STX12: variants seen among roughly 807,000 people sequenced by gnomAD.
The protein encoded by STX12 is syntaxin-12.
In STX12, 17 loss-of-function variants were observed where a neutral mutation model predicts 42.2. That is an observed-to-expected ratio of 0.40 (90% CI 0.28 to 0.60). The LOEUF is 0.60. Among genes scored for constraint, STX12 ranks in the 20% least tolerant of loss-of-function variants. The pLI is 0.39. For missense variants in STX12, 297 were observed against 330.9 expected, an observed-to-expected ratio of 0.90 and a Z score of 0.79; for synonymous variants, 108 against 116.7, an observed-to-expected ratio of 0.93 and a Z score of 0.48.
intron 3 of STX12, among the ~76,000 whole-genome samples, 186 bp downstream of exon 3, chr1:27,793,818 C>T (rs1309295830): frequency 3.3e-5 from 5 of 152,016 alleles, no homozygotes; most frequent in African/African-American, 1.2e-4. Context: ...AATGTACACA[C>T]CAGATGTGGC....
At chr1:27,822,203 T>C in intron 8 of STX12, 28 bp from the exon 9 acceptor site, 1 of 1,367,630 alleles carries the variant, frequency 7.3e-7, no homozygotes, top group Non-Finnish European at 1.0e-6. Context: ...GTTTCATGAG[T>C]ATCTTGTTTA....
rs984373546 is a variant in STX12, at chr1:27,786,503, G to A, written c.119-3059G>A. On this transcript the variant is annotated intron_variant, in intron 1 of 8. Coordinates refer to ENST00000373943, the MANE Select transcript of STX12 (RefSeq NM_177424.3). ...GTATAACTAGTATCCTCTGCCCACC[G>A]CTGTCACCTCAGCTTTTACCTGAAT... Among the ~76,000 whole-genome samples, 4 of 151,918 alleles carry A rather than the reference G, an allele frequency of 2.6e-5. No homozygotes were observed. The East Asian group carries it at 5.8e-4, about 22-fold the overall frequency.
At chr1:27,804,770 C>A (rs975943091) in intron 4 of STX12, among the ~76,000 whole-genome samples, 2 of 151,088 alleles carry the variant, frequency 1.3e-5, no homozygotes. Context: ...GAGACCGCAC[C>A]GCTGCACTCC....
chr1:27,821,885 G>A (rs1313909161), intron 8 of STX12, among the ~76,000 whole-genome samples: 1 of 152,160 alleles, frequency 6.6e-6, no homozygotes. Flanking sequence ...GGGCATAGTG[G>A]CACACGCCTG....
chr1:27,796,234 C>G (rs191872046), intron 3 of STX12, among the ~76,000 whole-genome samples: 30 of 152,260 alleles, frequency 2.0e-4, no homozygotes, highest in Admixed American at 3.9e-4. Flanking sequence ...TCTTTCTACT[C>G]TTTTCTCATC....
chr1:27,815,209 G>A (rs544838552), intron 6 of STX12, among the ~76,000 whole-genome samples: 3 of 152,236 alleles, frequency 2.0e-5, no homozygotes, highest in African/African-American at 7.2e-5. Context: ...AATCCCCCAC[G>A]GATACCAAGG....
At chr1:27,781,946 C>T (rs1420375251) in intron 1 of STX12, among the ~76,000 whole-genome samples, 1 of 152,064 alleles carries the variant, frequency 6.6e-6, no homozygotes, top group Non-Finnish European at 1.5e-5. Flanking sequence ...AGCTTCGTAT[C>T]ATCTCATTTC....
chr1:27,781,426 T>C (rs1020370839), intron 1 of STX12, among the ~76,000 whole-genome samples: 2 of 152,208 alleles, frequency 1.3e-5, no homozygotes, highest in Non-Finnish European at 2.9e-5. Flanking sequence ...AGGAGTCATA[T>C]TGCCAGGATT....
At position 27,810,555 on chromosome 1, in the gene STX12, C is replaced by T. The variant is rs187495148; in HGVS notation, c.470+266C>T. Among the ~76,000 whole-genome samples, 245 of 152,182 alleles carry T rather than the reference C, an allele frequency of 1.6e-3. 2 individuals are homozygous for T. The highest frequency in any genetic ancestry group is 6.8e-3 in the Middle Eastern group (2 of 294). ...TGTGTTAAGCAGAGAGCTTGACTCC[C>T]TAGGAATAAGTATGAACCTACATGT... On this transcript the variant is annotated intron_variant, in intron 5 of 8. Transcript: ENST00000373943.
chr1:27,814,514 C>A (rs1305420041), intron 6 of STX12, among the ~76,000 whole-genome samples: 2 of 151,874 alleles, frequency 1.3e-5, no homozygotes, highest in Non-Finnish European at 2.9e-5. Context: ...GGCAACAGAG[C>A]AAGACTCTGT....
intron 3 of STX12, 143 bp downstream of exon 3, chr1:27,793,775 T>C: frequency 1.6e-6 from 1 of 616,464 alleles, no homozygotes; most frequent in Non-Finnish European, 2.8e-6. Flanking sequence ...ATCCATCAAG[T>C]GGGGGATATG....
intron 4 of STX12, among the ~76,000 whole-genome samples, chr1:27,809,400 A>G (rs2088887898): frequency 2.0e-5 from 3 of 151,352 alleles, no homozygotes; most frequent in Non-Finnish European, 2.9e-5. Context: ...CCATCTCTCC[A>G]GAGTTTAATA....
At chr1:27,774,589 G>C (rs1416044858) in intron 1 of STX12, among the ~76,000 whole-genome samples, 1 of 152,070 alleles carries the variant, frequency 6.6e-6, no homozygotes, top group Non-Finnish European at 1.5e-5. Flanking sequence ...AAACCCCTGG[G>C]CACAAGCACT....
chr1:27,807,753 G>A (rs993419699), intron 4 of STX12, among the ~76,000 whole-genome samples: 6 of 152,176 alleles, frequency 3.9e-5, no homozygotes, highest in African/African-American at 1.4e-4. Flanking sequence ...TAGCAGCATT[G>A]TTTGTAGTAG....
At chr1:27,776,155 C>T (rs942111616) in intron 1 of STX12, among the ~76,000 whole-genome samples, 3 of 152,110 alleles carry the variant, frequency 2.0e-5, no homozygotes, top group Non-Finnish European at 4.4e-5. Flanking sequence ...GGCATTGGGC[C>T]TCAGGGGATC....
At chr1:27,805,062 G>A (rs992519691) in intron 4 of STX12, among the ~76,000 whole-genome samples, 4 of 152,034 alleles carry the variant, frequency 2.6e-5, no homozygotes, top group South Asian at 2.1e-4. Context: ...TCACTATCAC[G>A]AGAACAACAA....
intron 3 of STX12, among the ~76,000 whole-genome samples, chr1:27,793,934 T>G (rs1185506214): frequency 6.6e-6 from 1 of 151,976 alleles, no homozygotes; most frequent in African/African-American, 2.4e-5. Flanking sequence ...ATCTCAACAT[T>G]TGCATCTCTT....
intron 2 of STX12, among the ~76,000 whole-genome samples, chr1:27,790,843 A>G (rs1022664047): frequency 1.3e-5 from 2 of 152,320 alleles, no homozygotes; most frequent in South Asian, 2.1e-4. Flanking sequence ...CAGGAGGCTG[A>G]GGCAGGAAAA....
In STX12 at chr1:27,812,498, G is replaced by A. The variant is rs144000418; in HGVS notation, c.576+230G>A. ...CTCTTGTTGCCCAGGCTGGAGTGCA[G>A]TGGTGTGATCTTGGCTCACTGCAAC... On this transcript the variant is annotated intron_variant, in intron 6 of 8. Transcript: ENST00000373943. Among the ~76,000 whole-genome samples the A allele has an allele frequency of 5.7e-3, 858 of 151,612 alleles. 15 individuals carry two copies. Among genetic ancestry groups the A allele is most frequent in the African/African-American group, 0.02 (812 of 41,216 alleles).
Sources: allele counts gnomAD v4.1 joint callset (sites outside exome capture counted in the v4.1 genomes callset), GRCh38; gene constraint gnomAD v4.1.1; transcripts MANE v1.5; gene names NCBI Gene and HGNC (gene_info 2026-07-23, HGNC 2026-07-21).